MACROH2A1: variants seen among roughly 807,000 people sequenced by gnomAD.
MACROH2A1 encodes core histone macro-H2A.1.
A neutral mutation model predicts 31.6 loss-of-function variants in MACROH2A1; 2 were observed. The ratio of observed to expected loss-of-function variants is 0.06; its 90% CI spans 0.03 to 0.20. The LOEUF is 0.20. Among genes scored for constraint, MACROH2A1 ranks in the 10% least tolerant of loss-of-function variants. The pLI is 1.00. For synonymous variants in MACROH2A1, 169 were observed against 189.6 expected (o/e 0.89, Z 0.89); for missense variants, 230 against 474.0 (o/e 0.49, Z 4.78).
chr5:135,365,386 C>G (rs921136104), intron 4 of MACROH2A1, among the ~76,000 whole-genome samples: 1 of 152,178 alleles, frequency 6.6e-6, no homozygotes, highest in African/African-American at 2.4e-5. Flanking sequence ...ATACCTTACT[C>G]TGCTGGGGCT....
intron 2 of MACROH2A1, among the ~76,000 whole-genome samples, chr5:135,381,651 T>C (rs566205168): frequency 3.9e-5 from 6 of 152,248 alleles, no homozygotes; most frequent in South Asian, 2.1e-4. Flanking sequence ...AAGAATGAAA[T>C]AGGACTTCTA....
At chr5:135,355,200 T>G in intron 5 of MACROH2A1, 2 of 456,076 alleles carry the variant, frequency 4.4e-6, no homozygotes, top group Non-Finnish European at 8.8e-6. Flanking sequence ...AATGGGATTC[T>G]CTGGGGGAAA....
chr5:135,368,211 T>C (rs373486353), intron 4 of MACROH2A1, among the ~76,000 whole-genome samples: 25 of 152,258 alleles, frequency 1.6e-4, no homozygotes, highest in African/African-American at 3.1e-4. Flanking sequence ...TGCAAGAAGG[T>C]TGGGGTTCAC....
rs1228828613 is a variant in MACROH2A1, at chr5:135,343,163, C to T, written c.953+97G>A. ...TGGTCTCCTTGGTTAAGGCAGCCTC[C>T]GTGGGCCTTGCACAGAGTGAGAGCA... On this transcript the variant is annotated intron_variant, in intron 8 of 8. Coordinates refer to ENST00000511689, the MANE Select transcript of MACROH2A1 (RefSeq NM_138610.3). The T allele has an allele frequency of 1.4e-5, 23 of 1,597,114 alleles. No homozygotes were observed. The African/African-American group carries it at 1.5e-4, about 10-fold the overall frequency.
chr5:135,390,092 C>A (rs1767004004), intron 1 of MACROH2A1, among the ~76,000 whole-genome samples: 1 of 152,244 alleles, frequency 6.6e-6, no homozygotes, highest in Non-Finnish European at 1.5e-5. Context: ...AACTAGCAAA[C>A]AGGGAGCCAC....
intron 4 of MACROH2A1, among the ~76,000 whole-genome samples, chr5:135,368,830 G>T (rs986017671): frequency 6.6e-6 from 1 of 152,186 alleles, no homozygotes. Context: ...GATGACATTA[G>T]ATAACACTAA....
intron 5 of MACROH2A1, chr5:135,355,170 C>A (rs916653117): frequency 2.2e-6 from 1 of 456,050 alleles, no homozygotes; most frequent in African/African-American, 2.0e-5. Flanking sequence ...CGCGGGAGAA[C>A]CACCTGCTCT....
intron 7 of MACROH2A1, 76 bp downstream of exon 7, chr5:135,345,892 A>G (rs1041371858): frequency 3.2e-6 from 3 of 943,330 alleles, no homozygotes; most frequent in Non-Finnish European, 5.3e-6. Flanking sequence ...TCTGAATTCT[A>G]AGCCCTCTCA....
At chr5:135,348,875 T>C (rs1761179279) in intron 6 of MACROH2A1, among the ~76,000 whole-genome samples, 1 of 152,220 alleles carries the variant, frequency 6.6e-6, no homozygotes, top group African/African-American at 2.4e-5. Flanking sequence ...TCCTGTGGCT[T>C]GGAAGCTAAT....
intron 2 of MACROH2A1, among the ~76,000 whole-genome samples, chr5:135,383,317 T>C (rs1765908105): frequency 6.6e-6 from 1 of 152,248 alleles, no homozygotes; most frequent in Non-Finnish European, 1.5e-5. Flanking sequence ...TGGCCGTCAA[T>C]GAAGGTCATC....
At chr5:135,396,342 A>G (rs1767979283) in intron 1 of MACROH2A1, among the ~76,000 whole-genome samples, 1 of 152,218 alleles carries the variant, frequency 6.6e-6, no homozygotes, top group Non-Finnish European at 1.5e-5. Flanking sequence ...AAGAATAAAA[A>G]GAACACCTGA....
At chr5:135,366,582 TA>T (rs534419109) in intron 4 of MACROH2A1, among the ~76,000 whole-genome samples, 459 of 143,000 alleles carry the variant, frequency 3.2e-3, no homozygotes, top group African/African-American at 3.6e-3. Context: ...GATTTTTATT[TA>T]AAAAAAAAAA....
At chr5:135,387,787 G>A (rs548550941) in intron 2 of MACROH2A1, among the ~76,000 whole-genome samples, 1 of 152,236 alleles carries the variant, frequency 6.6e-6, no homozygotes, top group Admixed American at 6.5e-5. Flanking sequence ...CCACAAATAA[G>A]ATTGTATCTG....
In MACROH2A1 at chr5:135,341,390, G is replaced by T. The variant is rs1173099489; in HGVS notation, c.953+1870C>A. Among the ~76,000 whole-genome samples, 4 of 152,356 alleles carry T rather than the reference G, an allele frequency of 2.6e-5. No homozygotes were observed. The East Asian group carries it at 7.7e-4, about 29-fold the overall frequency. ...ATAGCTCAACAACTGGTGAGGGGTT[G>T]CTGGGGAAATGCTCATTCTGCTGTT... is the stretch of plus-strand genomic sequence containing the variant. On this transcript the variant is annotated intron_variant, in intron 8 of 8. Coordinates refer to ENST00000511689, the MANE Select transcript of MACROH2A1 (RefSeq NM_138610.3).
chr5:135,341,777 G>A (rs984983282), intron 8 of MACROH2A1, among the ~76,000 whole-genome samples: 1 of 152,262 alleles, frequency 6.6e-6, no homozygotes, highest in Non-Finnish European at 1.5e-5. Flanking sequence ...AAGTTTGGAA[G>A]GAAAGTGCTT....
intron 1 of MACROH2A1, among the ~76,000 whole-genome samples, chr5:135,391,183 G>C (rs557762106): frequency 1.3e-5 from 2 of 152,336 alleles, no homozygotes; most frequent in African/African-American, 4.8e-5. Context: ...TTCAGGCAAG[G>C]CTGTCATTGG....
intron 6 of MACROH2A1, chr5:135,350,885 G>A (rs917214490): frequency 6.2e-6 from 10 of 1,612,418 alleles, no homozygotes; most frequent in South Asian, 1.1e-5. Flanking sequence ...ACTGTCGATC[G>A]AGGCAATGTC....
chr5:135,398,216 G>A lies in MACROH2A1; in HGVS notation c.-34+846C>T, dbSNP rs1214510459. Reference sequence around the variant, plus strand: ...CCCTGCAGGAGTGGGGGTAGGGAGCGCCATGTCGCACACCTGTTGTCAGGT... The same window carrying A: ...CCCTGCAGGAGTGGGGGTAGGGAGCACCATGTCGCACACCTGTTGTCAGGT... On this transcript the variant is annotated intron_variant, in intron 1 of 8. Coordinates refer to ENST00000511689, the MANE Select transcript of MACROH2A1 (RefSeq NM_138610.3). This position sits in a 1 kb window ranked among gnomAD's most constrained non-coding sequence, Gnocchi z 4.6. Among the ~76,000 whole-genome samples, 1 of 151,978 alleles carries A rather than the reference G, an allele frequency of 6.6e-6. No homozygotes were observed.
Position 135,335,100 on chromosome 5 carries a change from T to C in MACROH2A1, c.995A>G (p.Lys332Arg), listed in dbSNP as rs746953332. 8 of 1,613,858 alleles carry C rather than the reference T, an allele frequency of 5.0e-6. No homozygotes were observed. In the East Asian group the frequency reaches 1.6e-4, roughly 31 times the overall value. The change falls in exon 9 of 9, where the codon AAG becomes AGG. Residue 332 changes from lysine (K) to arginine (R), a missense_variant. Around this residue, in one of 2 missense-constraint regions of MACROH2A1, gnomAD observed 183 missense variants for 319.3 expected, o/e 0.57. Transcript: ENST00000511689. ...PKQTAAQLIL[K>R]AISSYFVSTM... ...AGACACGAAGTAACTGGAGATGGCC[T>C]TCAGAATCAGCTGAGCTGCTGTCTG...
Sources: allele counts gnomAD v4.1 joint callset (sites outside exome capture counted in the v4.1 genomes callset), GRCh38; gene constraint gnomAD v4.1.1; regional missense constraint gnomAD v4.1.1; non-coding constraint Gnocchi (gnomAD v3.1); transcripts MANE v1.5; gene names NCBI Gene and HGNC (gene_info 2026-07-23, HGNC 2026-07-21).